Variants in CYB5A observed in about 807,000 individuals in gnomAD.
CYB5A encodes the protein cytochrome b5 type A.
A neutral mutation model predicts 16.2 loss-of-function variants in CYB5A; 10 were observed. The ratio of observed to expected loss-of-function variants is 0.62; its 90% CI spans 0.38 to 1.04. The LOEUF (loss-of-function observed/expected upper bound fraction) is 1.04, where lower values mean the gene tolerates loss of function less well. CYB5A is among the 50% of genes least tolerant of loss of function. CYB5A has a pLI of 0.01. For synonymous variants in CYB5A, 62 were observed against 57.0 expected (o/e 1.09, Z -0.40); for missense variants, 161 against 165.9 (o/e 0.97, Z 0.16).
intron 3 of CYB5A, chr18:74,257,974 T>C (rs1982053849): frequency 6.6e-6 from 1 of 152,198 alleles, no homozygotes; most frequent in Admixed American, 6.5e-5. Context: ...TGTGAATCAG[T>C]GTAAATTACA....
chr18:74,267,475 T>G (rs773774962), intron 1 of CYB5A, among the ~76,000 whole-genome samples: 15 of 152,172 alleles, frequency 9.9e-5, no homozygotes, highest in Non-Finnish European at 2.1e-4. Context: ...AATGCTCTTC[T>G]TTGCCTGTCA....
chr18:74,253,574 G>A lies in CYB5A; in HGVS notation c.*10C>T. ...GCAGGCTCTTCCTGCGCTGACTTCT[G>A]AGGAGGTGTTCAGTCCTCTGCCATG... On this transcript the variant is annotated 3_prime_UTR_variant, in exon 5 of 5. Transcript: ENST00000340533. 1 of 1,600,332 alleles carries A rather than the reference G, an allele frequency of 6.2e-7. No individual in the cohort carries two copies. Among genetic ancestry groups the A allele is most frequent in the Non-Finnish European group, 8.6e-7 (1 of 1,167,992 alleles).
chr18:74,269,416 T>C (rs1613923), intron 1 of CYB5A, among the ~76,000 whole-genome samples: 2,067 of 152,200 alleles, frequency 0.014, 42 homozygotes, highest in African/African-American at 0.047. Context: ...TCCATCTGCG[T>C]TGGCTCTCCT....
chr18:74,281,434 G>C (rs978136110), intron 1 of CYB5A, among the ~76,000 whole-genome samples: 2 of 152,186 alleles, frequency 1.3e-5, no homozygotes, highest in African/African-American at 4.8e-5. Flanking sequence ...CAATAAGGAG[G>C]TCGGACAGAA....
chr18:74,280,652 G>A (rs1420126790), intron 1 of CYB5A, among the ~76,000 whole-genome samples: 1 of 151,984 alleles, frequency 6.6e-6, no homozygotes, highest in Non-Finnish European at 1.5e-5. Context: ...CATAAGGTGT[G>A]AGGTTTCAGT....
At chr18:74,256,822 C>A (rs779600610) in intron 3 of CYB5A, 35 of 1,613,586 alleles carry the variant, frequency 2.2e-5, no homozygotes, top group Middle Eastern at 1.6e-4. Context: ...GTTATGAGAC[C>A]CACCAACCTT....
intron 1 of CYB5A, among the ~76,000 whole-genome samples, chr18:74,287,176 G>T (rs976400380): frequency 6.6e-6 from 1 of 151,426 alleles, no homozygotes. Flanking sequence ...TTTACCTAAC[G>T]GTATATATTA....
Position 74,253,496 on chromosome 18 carries a change from G to T in CYB5A, c.*88C>A. On this transcript the variant is annotated 3_prime_UTR_variant, in exon 5 of 5. Transcript: ENST00000340533. ...ATTAAAATCATTGTTTTCAAGTGAAGGTTTCTGTCAGTTGAAGTAGTTAGC... is the reference window on the plus strand; with the variant it reads ...ATTAAAATCATTGTTTTCAAGTGAATGTTTCTGTCAGTTGAAGTAGTTAGC... The T allele has an allele frequency of 1.3e-6, 1 of 776,862 alleles. No individual in the cohort carries two copies. The allele number at this position is 776,862 out of a possible 1,614,324, so 48.1% of individuals were successfully genotyped here. A position where few individuals can be genotyped will look rare whatever the true frequency, so the allele number is the denominator to read the frequency against.
At chr18:74,290,899 G>GT (rs1983506462) in intron 1 of CYB5A, 1 of 127,814 alleles carries the variant, frequency 7.8e-6, no homozygotes, top group East Asian at 2.4e-4. Flanking sequence ...TTCCAAAGCT[G>GT]TTAGGGGCGA....
At chr18:74,264,725 T>C (rs1344016582) in intron 1 of CYB5A, among the ~76,000 whole-genome samples, 2 of 152,140 alleles carry the variant, frequency 1.3e-5, no homozygotes, top group African/African-American at 4.8e-5. Context: ...GAAGAGCCTC[T>C]TGTGGAATAA....
rs146855645 is a variant in CYB5A at position 74,284,176 on chromosome 18, G to A, written c.129+7571C>T. 6.8e-5 allele frequency among the ~76,000 whole-genome samples: 10 copies of A among 147,158 alleles called. No individual in the cohort carries two copies. In the East Asian group the frequency reaches 1.8e-3, roughly 26 times the overall value. On this transcript the variant is annotated intron_variant, in intron 1 of 4. Coordinates refer to ENST00000340533, the MANE Select transcript of CYB5A (RefSeq NM_148923.4). ...AACTTGGGAGGTGGAAGGTTGCAGTGAGCCGAGATTGCACCATTGCACTCC... is the reference window on the plus strand; with the variant it reads ...AACTTGGGAGGTGGAAGGTTGCAGTAAGCCGAGATTGCACCATTGCACTCC...
At chr18:74,291,359 G>A (rs1878101350) in intron 1 of CYB5A, among the ~76,000 whole-genome samples, 1 of 151,526 alleles carries the variant, frequency 6.6e-6, no homozygotes, top group Non-Finnish European at 1.5e-5. Context: ...AGGTGTGCAC[G>A]CGCAGGTGTA....
At chr18:74,276,047 C>T (rs1490647171) in intron 1 of CYB5A, among the ~76,000 whole-genome samples, 27 of 152,190 alleles carry the variant, frequency 1.8e-4, no homozygotes, top group Admixed American at 1.8e-3. Context: ...TTAACTCCCT[C>T]AGCTTCCTGC....
intron 3 of CYB5A, chr18:74,259,835 C>G (rs1317378141): frequency 6.6e-6 from 1 of 152,148 alleles, no homozygotes; most frequent in African/African-American, 2.4e-5. Flanking sequence ...AGCAAGGATT[C>G]TAAGCAATTG....
Position 74,272,438 on chromosome 18 carries a change from G to C in CYB5A, c.130-8961C>G, listed in dbSNP as rs116525083. ...GAGCACCCTTTCTGCAGAAAGTAAAGATTGCTTTGCTGAGAGATCTTTTGT... is the reference window on the plus strand; with the variant it reads ...GAGCACCCTTTCTGCAGAAAGTAAACATTGCTTTGCTGAGAGATCTTTTGT... On this transcript the variant is annotated intron_variant, in intron 1 of 4. Coordinates refer to ENST00000340533, the MANE Select transcript of CYB5A (RefSeq NM_148923.4). Among the ~76,000 whole-genome samples the C allele has an allele frequency of 5.6e-3, 856 of 152,274 alleles. 6 individuals carry two copies. Among genetic ancestry groups the C allele is most frequent in the African/African-American group, 0.019 (806 of 41,540 alleles).
At chr18:74,290,490 C>T (rs1182113362) in intron 1 of CYB5A, among the ~76,000 whole-genome samples, 2 of 152,190 alleles carry the variant, frequency 1.3e-5, no homozygotes, top group East Asian at 1.9e-4. Flanking sequence ...AGTGATCCAC[C>T]CGCCTCAGCC....
Position 74,259,989 on chromosome 18 carries a change from T to C in CYB5A, c.288+926A>G, listed in dbSNP as rs1038428085. Reference sequence around the variant, plus strand: ...ACTAAATAGTATTACACAAGACTTTTATTGTACTATCAGGGATGTTGAGGT... The same window carrying C: ...ACTAAATAGTATTACACAAGACTTTCATTGTACTATCAGGGATGTTGAGGT... On this transcript the variant is annotated intron_variant, in intron 3 of 4. Transcript: ENST00000340533. 4 of 152,230 alleles carry C rather than the reference T, an allele frequency of 2.6e-5. 1 individual carries two copies. The highest frequency in any genetic ancestry group is 6.5e-5 in the Admixed American group (1 of 15,278). The allele number at this position is 152,230 out of a possible 1,614,324, so 9.4% of individuals were successfully genotyped here.
At chr18:74,290,380 G>A (rs944184883) in intron 1 of CYB5A, among the ~76,000 whole-genome samples, 2 of 152,072 alleles carry the variant, frequency 1.3e-5, no homozygotes, top group African/African-American at 4.8e-5. Flanking sequence ...GAGTAGCTGG[G>A]ACTACAGGCG....
At chr18:74,266,460 G>A (rs1267802841) in intron 1 of CYB5A, among the ~76,000 whole-genome samples, 2 of 152,210 alleles carry the variant, frequency 1.3e-5, no homozygotes, top group African/African-American at 4.8e-5. Flanking sequence ...ATGTTCAAAG[G>A]ACGACTTCGA....
Sources: allele counts gnomAD v4.1 joint callset (sites outside exome capture counted in the v4.1 genomes callset), GRCh38; gene constraint gnomAD v4.1.1; transcripts MANE v1.5; gene names NCBI Gene and HGNC (gene_info 2026-07-23, HGNC 2026-07-21).